Variants in ZBTB8OS observed in about 807,000 individuals in gnomAD.
ZBTB8OS encodes tRNA-splicing ligase-activating factor archease.
ZBTB8OS carries 16 observed loss-of-function variants against 29.3 expected under a neutral mutation model. That is an observed-to-expected ratio of 0.55 (90% CI 0.37 to 0.83). ZBTB8OS has a LOEUF of 0.83. Among genes scored for constraint, ZBTB8OS ranks in the 40% least tolerant of loss-of-function variants. The probability of loss-of-function intolerance (pLI) is 0.00; values close to 1 mark genes in which losing one functional copy is unlikely to be tolerated. For synonymous variants in ZBTB8OS, 70 were observed against 64.6 expected (o/e 1.08, Z -0.40); for missense variants, 160 against 196.9 (o/e 0.81, Z 1.12).
At chr1:32,650,396 G>C (rs2148503829) in intron 1 of ZBTB8OS, 37 bp downstream of exon 1, 1 of 1,613,312 alleles carries the variant, frequency 6.2e-7, no homozygotes, top group East Asian at 2.2e-5. Flanking sequence ...ATGCCTGTGT[G>C]CTTACATGTA....
rs748893533 is a variant in ZBTB8OS at position 32,621,891 on chromosome 1, G to T, written c.475C>A (p.Pro159Thr). 5.6e-6 allele frequency: 9 copies of T among 1,595,636 alleles called. No individual in the cohort carries two copies. Among genetic ancestry groups the T allele is most frequent in the East Asian group, 2.2e-5 (1 of 44,568 alleles). Residue 159 changes from proline to threonine, a missense_variant, in exon 7 of 7, where the codon CCG (proline) becomes ACG (threonine). By Grantham distance (38) the Pro-to-Thr change is conservative. Coordinates refer to ENST00000468695, the MANE Select transcript of ZBTB8OS (RefSeq NM_178547.5). ...SAMQVYNEENPEVFVIIDI is the reference protein window; with the variant it reads ...SAMQVYNEENTEVFVIIDI ...ATGTCAATGATCACAAAAACTTCCG[G>T]GTTCTCTTCATTATAGACCTGCATT...
chr1:32,623,603 G>GT (rs1644893830), intron 6 of ZBTB8OS, among the ~76,000 whole-genome samples: 1 of 152,114 alleles, frequency 6.6e-6, no homozygotes. Context: ...ACTCCCATAC[G>GT]TGAGTACTTG....
At chr1:32,641,562 G>C (rs776254791) in intron 1 of ZBTB8OS, among the ~76,000 whole-genome samples, 1 of 143,326 alleles carries the variant, frequency 7.0e-6, no homozygotes, top group African/African-American at 2.5e-5. Context: ...ATGAGCCACC[G>C]CGCCCGGCCA....
chr1:32,641,265 GTTTTTT>G (rs1160526101), intron 1 of ZBTB8OS, among the ~76,000 whole-genome samples: 10 of 97,274 alleles, frequency 1.0e-4, no homozygotes, highest in African/African-American at 2.1e-4. Flanking sequence ...AATTACACAA[GTTTTTT>G]TTTTTTTTTT....
chr1:32,637,412 A>C (rs1185584874), intron 1 of ZBTB8OS, among the ~76,000 whole-genome samples: 10 of 151,838 alleles, frequency 6.6e-5, no homozygotes, highest in Non-Finnish European at 1.5e-4. Context: ...TAATACAAAA[A>C]AAAAAATGAG....
intron 1 of ZBTB8OS, among the ~76,000 whole-genome samples, chr1:32,646,789 C>A (rs1041571311): frequency 2.0e-5 from 3 of 150,990 alleles, no homozygotes; most frequent in Non-Finnish European, 4.4e-5. Flanking sequence ...GTAACCCCAG[C>A]ACTTTGGGAG....
intron 1 of ZBTB8OS, among the ~76,000 whole-genome samples, chr1:32,637,907 C>T (rs182669935): frequency 6.6e-6 from 1 of 152,218 alleles, no homozygotes; most frequent in Non-Finnish European, 1.5e-5. Flanking sequence ...GATCTTGGCT[C>T]ACTGCAACCT....
intron 1 of ZBTB8OS, among the ~76,000 whole-genome samples, chr1:32,644,534 CTTTTTTT>C (rs57960226): frequency 2.4e-5 from 3 of 127,062 alleles, no homozygotes; most frequent in Non-Finnish European, 4.9e-5. Flanking sequence ...TTTCTTTTTC[CTTTTTTT>C]TTTTTTTTTT....
At chr1:32,638,193 A>G (rs1436471689) in intron 1 of ZBTB8OS, among the ~76,000 whole-genome samples, 1 of 149,124 alleles carries the variant, frequency 6.7e-6, no homozygotes. Flanking sequence ...ACACTGCTAT[A>G]GGGCAGTGGT....
At chr1:32,636,019 C>A (rs151080656) in intron 1 of ZBTB8OS, among the ~76,000 whole-genome samples, 2,728 of 152,242 alleles carry the variant, frequency 0.018, 84 homozygotes, top group African/African-American at 0.062. Context: ...ATTGTAAAAC[C>A]TAAGATCAGT....
intron 1 of ZBTB8OS, among the ~76,000 whole-genome samples, chr1:32,644,075 T>C (rs1229723379): frequency 6.6e-6 from 1 of 151,990 alleles, no homozygotes; most frequent in Non-Finnish European, 1.5e-5. Flanking sequence ...GGGGTCTAGT[T>C]AAAACAATTT....
At chr1:32,627,761 G>A in intron 5 of ZBTB8OS, 1 of 561,930 alleles carries the variant, frequency 1.8e-6, no homozygotes, top group South Asian at 2.2e-5. Context: ...TTAAGGCCAG[G>A]TGCGGTGGCT....
intron 2 of ZBTB8OS, 39 bp downstream of exon 2, chr1:32,634,729 T>C (rs1645823500): frequency 6.2e-7 from 1 of 1,613,570 alleles, no homozygotes; most frequent in South Asian, 1.1e-5. Context: ...GTCTTCCTAC[T>C]GACGTGGTTT....
Position 32,641,848 on chromosome 1 carries a change from G to A in ZBTB8OS, c.98-7056C>T, listed in dbSNP as rs1202577181. On this transcript the variant is annotated intron_variant, in intron 1 of 6. Transcript: ENST00000468695. ...AGGCGGGAGAATGGCGTGAACCCGG[G>A]AGACGGAGGTTGCAGTGAGCCGAGA... Among the ~76,000 whole-genome samples, 2 of 151,964 alleles carry A rather than the reference G, an allele frequency of 1.3e-5. 1 individual carries two copies. Among genetic ancestry groups the A allele is most frequent in the East Asian group, 3.9e-4 (2 of 5,124 alleles).
rs768238433 is a variant in ZBTB8OS at position 32,633,646 on chromosome 1, C to T, written c.326G>A (p.Arg109Gln). Residue 109 changes from arginine (R) to glutamine (Q), a missense_variant and splice_region_variant, in exon 4 of 7, where the codon CGG becomes CAG. Physicochemically the swap from Arg to Gln is conservative, Grantham distance 43. Coordinates refer to ENST00000468695, the MANE Select transcript of ZBTB8OS (RefSeq NM_178547.5). ...TAAAAAAGAAAAACCTTTGCTTACC[C>T]GGGGTATGAAGAATTCATCAGCACT... ...KFSADEFFIP[R>Q]EVKVLSIDQR... 5 of 1,595,888 alleles carry T rather than the reference C, an allele frequency of 3.1e-6. No individual in the cohort carries two copies. The highest frequency in any genetic ancestry group is 2.7e-5 in the African/African-American group (2 of 73,688).
chr1:32,634,522 G>T (rs1645809427), intron 2 of ZBTB8OS: 1 of 553,960 alleles, frequency 1.8e-6, no homozygotes, highest in African/African-American at 1.9e-5. Flanking sequence ...CACCACACCC[G>T]GCCTTATTTT....
chr1:32,645,872 T>G (rs969927592), intron 1 of ZBTB8OS, among the ~76,000 whole-genome samples: 2 of 152,250 alleles, frequency 1.3e-5, no homozygotes, highest in East Asian at 3.9e-4. Context: ...AAAATAGTTT[T>G]GACATCACAG....
chr1:32,627,650 G>A, intron 5 of ZBTB8OS, 106 bp from the exon 6 acceptor site: 2 of 1,023,552 alleles, frequency 2.0e-6, no homozygotes, highest in Non-Finnish European at 3.0e-6. Flanking sequence ...AAAGAGACAG[G>A]AGGGGGTCAG....
At chr1:32,621,974 A>G in intron 6 of ZBTB8OS, 26 bp from the exon 7 acceptor site, 1 of 1,490,464 alleles carries the variant, frequency 6.7e-7, no homozygotes, top group Admixed American at 2.3e-5. Flanking sequence ...GAGAAAAAAA[A>G]AAAAAAAAGG....
Sources: allele counts gnomAD v4.1 joint callset (sites outside exome capture counted in the v4.1 genomes callset), GRCh38; gene constraint gnomAD v4.1.1; transcripts MANE v1.5; gene names NCBI Gene and HGNC (gene_info 2026-07-23, HGNC 2026-07-21).